The following HAUS4 variants were observed in gnomAD, a reference collection of about 807,000 sequenced individuals.
HAUS4 encodes the protein HAUS augmin-like complex subunit 4.
HAUS4 carries 34 observed loss-of-function variants against 50.6 expected under a neutral mutation model. That is an observed-to-expected ratio of 0.67 (90% CI 0.51 to 0.90). HAUS4 has a LOEUF of 0.90. HAUS4 is among the 40% of genes least tolerant of loss of function. HAUS4 has a pLI of 0.00. For synonymous variants in HAUS4, 149 were observed against 161.4 expected (o/e 0.92, Z 0.58); for missense variants, 370 against 428.7 (o/e 0.86, Z 1.21).
intron 2 of HAUS4, among the ~76,000 whole-genome samples, chr14:22,953,041 G>C (rs2044785766): frequency 6.6e-6 from 1 of 152,178 alleles, no homozygotes; most frequent in Non-Finnish European, 1.5e-5. Context: ...TCTTGAAGTA[G>C]GGGGAAAGAA....
Position 22,952,316 on chromosome 14 carries a change from C to A in HAUS4, c.330+12G>T, listed in dbSNP as rs369533787. ...TACAGGTGTTAGCCACCACGCCCAG[C>A]CTTTGCCTCACCTTTTTGTCCTCAG... On this transcript the variant is annotated intron_variant, in intron 4 of 9. Coordinates refer to ENST00000541587, the MANE Select transcript of HAUS4 (RefSeq NM_001166269.2). 1.8e-5 allele frequency: 29 copies of A among 1,612,342 alleles called. No individual in the cohort carries two copies. Among genetic ancestry groups the A allele is most frequent in the South Asian group, 2.2e-5 (2 of 90,986 alleles).
intron 1 of HAUS4, among the ~76,000 whole-genome samples, chr14:22,955,813 C>CA (rs1055823882): frequency 2.0e-5 from 3 of 151,930 alleles, no homozygotes; most frequent in Admixed American, 2.0e-4. Context: ...AGGTCAGTGG[C>CA]AAAAGAGTAA....
intron 5 of HAUS4, 182 bp downstream of exon 5, chr14:22,951,373 C>A: frequency 3.0e-6 from 2 of 658,046 alleles, no homozygotes; most frequent in South Asian, 1.7e-5. Context: ...TAATATTGTG[C>A]TTCTAGATGC....
intron 2 of HAUS4, among the ~76,000 whole-genome samples, chr14:22,953,183 T>C (rs1389347316): frequency 3.3e-5 from 5 of 152,006 alleles, no homozygotes; most frequent in African/African-American, 1.2e-4. Flanking sequence ...AGGGTCTCAC[T>C]CTGTCACCCA....
chr14:22,947,856 G>A lies in HAUS4; in HGVS notation c.708+12C>T. ...GGATAAAGGAAAGGGGCTGTCCCATGCCCTGATAAACCTGGGAGTAAGCAG... is the reference window on the plus strand; with the variant it reads ...GGATAAAGGAAAGGGGCTGTCCCATACCCTGATAAACCTGGGAGTAAGCAG... On this transcript the variant is annotated intron_variant, in intron 7 of 9. Transcript: ENST00000541587. 3.1e-6 allele frequency: 5 copies of A among 1,612,394 alleles called. No individual in the cohort carries two copies. Among genetic ancestry groups the A allele is most frequent in the Non-Finnish European group, 4.2e-6 (5 of 1,179,224 alleles).
rs1566647681 is a variant in HAUS4, at chr14:22,952,742, C to T, written c.56-59G>A. ...AAAAAAGGTGTGGACTCTTACTTTA[C>T]ATAACTGAGCATAACTTAATACTTC... is the stretch of plus-strand genomic sequence containing the variant. On this transcript the variant is annotated intron_variant, in intron 2 of 9. Transcript: ENST00000541587. 2.3e-6 allele frequency: 3 copies of T among 1,306,932 alleles called. No homozygotes were observed. In the East Asian group the frequency reaches 7.3e-5, roughly 32 times the overall value. 81.0% of individuals were successfully genotyped at this position (1,306,932 alleles called of 1,614,324 possible).
intron 9 of HAUS4, 108 bp downstream of exon 9, chr14:22,947,061 GGT>G: frequency 2.6e-6 from 2 of 768,158 alleles, no homozygotes; most frequent in Non-Finnish European, 4.7e-6. Context: ...TGGGATTACA[GGT>G]GTGAGCCACT....
Position 22,946,458 on chromosome 14 carries a change from T to C in HAUS4, c.*67A>G, listed in dbSNP as rs1449691483. ...TGAAGGCAGCCCCAGGTGAAGGTGG[T>C]CCCACTAGCAGGAAGATTAGGAGGC... On this transcript the variant is annotated 3_prime_UTR_variant, in exon 10 of 10. Coordinates refer to ENST00000541587, the MANE Select transcript of HAUS4 (RefSeq NM_001166269.2). 1.5e-5 allele frequency: 20 copies of C among 1,318,890 alleles called. No individual in the cohort carries two copies. Among genetic ancestry groups the C allele is most frequent in the Non-Finnish European group, 1.9e-5 (18 of 949,650 alleles). 81.7% of individuals were successfully genotyped at this position (1,318,890 alleles called of 1,614,324 possible).
intron 6 of HAUS4, among the ~76,000 whole-genome samples, 170 bp downstream of exon 6, chr14:22,950,144 C>A (rs867458130): frequency 0.017 from 2,382 of 140,656 alleles, 34 homozygotes; most frequent in Non-Finnish European, 0.028. Flanking sequence ...AAAAAAAAAA[C>A]AAAAAAACAA....
intron 9 of HAUS4, among the ~76,000 whole-genome samples, 180 bp from the exon 10 acceptor site, chr14:22,946,888 A>G (rs1391851657): frequency 6.6e-6 from 1 of 151,768 alleles, no homozygotes; most frequent in Admixed American, 6.6e-5. Flanking sequence ...GGTTCAAGCA[A>G]TTCTCCTGCC....
rs2044673952 is a variant in HAUS4 at position 22,947,901 on chromosome 14, C to T, written c.675G>A (p.Leu225=). Reference sequence around the variant, plus strand: ...AAGCAGCACTCTTCTTCTCCAGCAGCAACATCTGCTCCTTCTGCTGGCTCT... The same window carrying T: ...AAGCAGCACTCTTCTTCTCCAGCAGTAACATCTGCTCCTTCTGCTGGCTCT... ...DAKSQQKEQM[L]LLEKKSAAYS... The change falls in exon 7 of 10, where the codon TTG becomes TTA. Residue 225 remains leucine, a synonymous_variant. Transcript: ENST00000541587. The T allele has an allele frequency of 1.9e-6, 3 of 1,613,970 alleles. No homozygotes were observed. In the Admixed American group the frequency reaches 5.0e-5, roughly 27 times the overall value.
At chr14:22,952,229 G>A in intron 4 of HAUS4, 99 bp downstream of exon 4, 1 of 913,198 alleles carries the variant, frequency 1.1e-6, no homozygotes, top group Admixed American at 2.1e-5. Context: ...TGTTGGCCAG[G>A]CTGGTCTCAA....
At chr14:22,948,459 G>T (rs918996343) in intron 6 of HAUS4, among the ~76,000 whole-genome samples, 4 of 141,054 alleles carry the variant, frequency 2.8e-5, no homozygotes, top group East Asian at 2.2e-4. Flanking sequence ...AAAAGCGGGG[G>T]GGGGGAGGGC....
At position 22,946,443 on chromosome 14, in the gene HAUS4, C is replaced by T. The variant is rs2044643907; in HGVS notation, c.*82G>A. On this transcript the variant is annotated 3_prime_UTR_variant, in exon 10 of 10. Coordinates refer to ENST00000541587, the MANE Select transcript of HAUS4 (RefSeq NM_001166269.2). ...CACACTCCCTTGTACTGAAGGCAGC[C>T]CCAGGTGAAGGTGGTCCCACTAGCA... is the stretch of plus-strand genomic sequence containing the variant. 9.0e-7 allele frequency: 1 copy of T among 1,116,346 alleles called. No homozygotes were observed. The highest frequency in any genetic ancestry group is 1.6e-5 in the South Asian group (1 of 62,704). The allele number at this position is 1,116,346 out of a possible 1,614,324, so 69.2% of individuals were successfully genotyped here.
At chr14:22,947,400 G>A in intron 8 of HAUS4, 161 bp from the exon 9 acceptor site, 1 of 722,568 alleles carries the variant, frequency 1.4e-6, no homozygotes. Flanking sequence ...ACAGTAAAGT[G>A]CCTATTTCAG....
intron 1 of HAUS4, 50 bp downstream of exon 1, chr14:22,956,866 C>A (rs1447288662): frequency 6.5e-6 from 1 of 154,474 alleles, no homozygotes; most frequent in Non-Finnish European, 1.5e-5. Context: ...AATGACTCTC[C>A]CAGAGCTCCT....
At position 22,946,648 on chromosome 14, in the gene HAUS4, G is replaced by T; in HGVS notation, c.969C>A (p.Val323=). 1 of 1,613,858 alleles carries T rather than the reference G, an allele frequency of 6.2e-7. No homozygotes were observed. The change falls in exon 10 of 10, where the codon GTC becomes GTA. Residue 323 remains valine, a synonymous_variant. Transcript: ENST00000541587. ...QEQDMENSRQ[V]LNSYEVLGEE... Reference sequence around the variant, plus strand: ...CCCCAAGGACCTCATAGGAGTTCAGGACCTGTCTTGAGTTCTCCATGTCCT... The same window carrying T: ...CCCCAAGGACCTCATAGGAGTTCAGTACCTGTCTTGAGTTCTCCATGTCCT...
Position 22,950,330 on chromosome 14 carries a change from G to A in HAUS4, c.546C>T (p.Tyr182=). 1 of 1,604,824 alleles carries A rather than the reference G, an allele frequency of 6.2e-7. No individual in the cohort carries two copies. Among genetic ancestry groups the A allele is most frequent in the South Asian group, 1.1e-5 (1 of 90,896 alleles). The change falls in exon 6 of 10, where the codon TAC becomes TAT. Residue 182 remains tyrosine (Y), a synonymous_variant. Coordinates refer to ENST00000541587, the MANE Select transcript of HAUS4 (RefSeq NM_001166269.2). ...AGCACTCACCTGAATTGGGATCATA[G>A]TAGCAGAGCAGAGTGAAACATTTCT... ...LKKKCFTLLC[Y]YDPNSDADSE...
chr14:22,946,828 G>A (rs1205087572), intron 9 of HAUS4, 120 bp from the exon 10 acceptor site: 1 of 667,430 alleles, frequency 1.5e-6, no homozygotes, highest in African/African-American at 1.9e-5. Context: ...CTGTCACCTA[G>A]GCTGGAGTGC....
Sources: gnomAD v4.1 joint callset for allele counts (sites outside exome capture counted in the v4.1 genomes callset) on GRCh38, gnomAD v4.1.1 for gene constraint, MANE v1.5 for transcripts, NCBI Gene and HGNC (gene_info 2026-07-23, HGNC 2026-07-21) for gene names.